Variants in BAG1 observed in about 807,000 individuals in gnomAD.
BAG1 encodes BAG cochaperone 1.
Under a neutral mutation model 35.5 loss-of-function variants are expected in BAG1, and 35 were observed. The ratio of observed to expected loss-of-function variants is 0.99; its 90% CI spans 0.75 to 1.31. The LOEUF (loss-of-function observed/expected upper bound fraction) is 1.31. Ranked by LOEUF, BAG1 falls within the 50% of genes most tolerant of loss-of-function variation. BAG1 has a pLI of 0.00. For missense variants in BAG1, 464 were observed against 453.6 expected, an observed-to-expected ratio of 1.02 and a Z score of -0.21; for synonymous variants, 191 against 178.9, an observed-to-expected ratio of 1.07 and a Z score of -0.54.
intron 4 of BAG1, 100 bp from the exon 5 acceptor site, chr9:33,257,008 C>T: frequency 1.2e-6 from 1 of 861,546 alleles, no homozygotes; most frequent in South Asian, 1.5e-5. Flanking sequence ...CCACCATAGC[C>T]CTGGCAGGCC....
At position 33,264,432 on chromosome 9, in the gene BAG1, G is replaced by C. The variant is rs140687411; in HGVS notation, c.243C>G (p.Thr81=). Reference sequence around the variant, plus strand: ...CGCTCCGGGTCAACTCCTCGCTCCGGGTCGAGCGGCGCCGGGTTTTCTTCT... The same window carrying C: ...CGCTCCGGGTCAACTCCTCGCTCCGCGTCGAGCGGCGCCGGGTTTTCTTCT... The change falls in exon 1 of 7, where the codon ACC becomes ACG. Residue 81 remains threonine, a synonymous_variant. Coordinates refer to ENST00000634734, the MANE Select transcript of BAG1 (RefSeq NM_004323.6). 4.0e-5 allele frequency: 65 copies of C among 1,613,416 alleles called. No homozygotes were observed. The African/African-American group carries it at 6.0e-4, about 15-fold the overall frequency.
chr9:33,263,698 T>C (rs1009418959), intron 1 of BAG1, among the ~76,000 whole-genome samples: 1 of 152,146 alleles, frequency 6.6e-6, no homozygotes, highest in Non-Finnish European at 1.5e-5. Context: ...AGAAACCTCA[T>C]GGACTCAGCT....
At position 33,264,309 on chromosome 9, in the gene BAG1, C is replaced by G. The variant is rs757031406; in HGVS notation, c.366G>C (p.Val122=). 6.2e-7 allele frequency: 1 copy of G among 1,614,086 alleles called. No homozygotes were observed. The highest frequency in any genetic ancestry group is 8.5e-7 in the Non-Finnish European group (1 of 1,180,014). Reference sequence around the variant, plus strand: ...TCCGGGTCGACTCCTCGTCCCGGGTCACCTCCTGGCTCCGATTCATCTCTT... The same window carrying G: ...TCCGGGTCGACTCCTCGTCCCGGGTGACCTCCTGGCTCCGATTCATCTCTT... The change falls in exon 1 of 7, where the codon GTG becomes GTC. Residue 122 remains valine, a synonymous_variant. Transcript: ENST00000634734.
rs1392497650 is a variant in BAG1 at position 33,262,728 on chromosome 9, T to C, written c.554A>G (p.Gln185Arg). Reference sequence around the variant, plus strand: ...CTTAAATATGAGTTTCTGAAAAGACTGTGGAACCCCTATGACCTCTTCAAC... The same window carrying C: ...CTTAAATATGAGTTTCTGAAAAGACCGTGGAACCCCTATGACCTCTTCAAC... The change falls in exon 2 of 7, where the codon CAG (glutamine) becomes CGG (arginine). Residue 185 changes from glutamine to arginine, a missense_variant. By Grantham distance (43) the Gln-to-Arg change is conservative (BLOSUM62 1). Transcript: ENST00000634734. 6 of 1,609,490 alleles carry C rather than the reference T, an allele frequency of 3.7e-6. No individual in the cohort carries two copies. Among genetic ancestry groups the C allele is most frequent in the Middle Eastern group, 1.6e-4 (1 of 6,062 alleles).
At position 33,255,297 on chromosome 9, in the gene BAG1, G is replaced by C. The variant is rs776279085; in HGVS notation, c.960C>G (p.Ala320=). 1 of 1,614,084 alleles carries C rather than the reference G, an allele frequency of 6.2e-7. No individual in the cohort carries two copies. The highest frequency in any genetic ancestry group is 1.3e-5 in the African/African-American group (1 of 74,930). ...TGTTCTGCTCCACTGTGTCACACTC[G>C]GCTAGGAATGCCTAGAAAATACACA... The change falls in exon 7 of 7, where the codon GCC becomes GCG. Residue 320 remains alanine, a synonymous_variant. Coordinates refer to ENST00000634734, the MANE Select transcript of BAG1 (RefSeq NM_004323.6).
Position 33,262,713 on chromosome 9 carries a change from A to G in BAG1, c.569T>C (p.Leu190Pro). Residue 190 changes from leucine (L) to proline (P), a missense_variant, in exon 2 of 7, where the codon CTC (leucine) becomes CCC (proline). By Grantham distance (98) the Leu-to-Pro change is moderately conservative. Coordinates refer to ENST00000634734, the MANE Select transcript of BAG1 (RefSeq NM_004323.6). ...AAAGAAATGCTTACCCTTAAATATG[A>G]GTTTCTGAAAAGACTGTGGAACCCC... The G allele has an allele frequency of 6.3e-7, 1 of 1,593,236 alleles. No individual in the cohort carries two copies. Among genetic ancestry groups the G allele is most frequent in the Non-Finnish European group, 8.5e-7 (1 of 1,174,106 alleles).
Position 33,254,949 on chromosome 9 carries a change from G to C in BAG1, c.*270C>G. The C allele has an allele frequency of 9.1e-6, 12 of 1,324,254 alleles. No homozygotes were observed. Among genetic ancestry groups the C allele is most frequent in the Non-Finnish European group, 1.2e-5 (12 of 996,306 alleles). 82.0% of individuals were successfully genotyped at this position (1,324,254 alleles called of 1,614,324 possible). A position where few individuals can be genotyped will look rare whatever the true frequency, so the allele number is the denominator to read the frequency against. Reference sequence around the variant, plus strand: ...AAGAAAGCACCCAGAGGTCCAAACAGCTGGGAAAATTTGGGCAGAGGTGGC... The same window carrying C: ...AAGAAAGCACCCAGAGGTCCAAACACCTGGGAAAATTTGGGCAGAGGTGGC... On this transcript the variant is annotated 3_prime_UTR_variant, in exon 7 of 7. Transcript: ENST00000634734.
intron 4 of BAG1, 111 bp downstream of exon 4, chr9:33,258,809 C>T (rs1344596109): frequency 3.7e-6 from 3 of 809,288 alleles, no homozygotes; most frequent in Non-Finnish European, 6.1e-6. Flanking sequence ...AAGGGTGAAT[C>T]CAGGATCTGA....
At chr9:33,259,608 C>T (rs2117954469) in intron 3 of BAG1, 1 of 153,296 alleles carries the variant, frequency 6.5e-6, no homozygotes, top group East Asian at 1.9e-4. Flanking sequence ...AGAATGGAGA[C>T]AATCCAAGTG....
chr9:33,264,634 CG>C lies in BAG1; in HGVS notation c.40del (p.Arg14GlyfsTer59). On this transcript the variant is annotated frameshift_variant, in exon 1 of 7. Transcript: ENST00000634734. LOFTEE classifies it high-confidence loss of function. ...GCGCAGCCGGGAACCCAGCCGCTCC[CG>C]GTCGCCTCGCGGTCTCCGCGCCCCC... The C allele has an allele frequency of 7.4e-7, 1 of 1,348,132 alleles. No individual in the cohort carries two copies. The highest frequency in any genetic ancestry group is 9.4e-7 in the Non-Finnish European group (1 of 1,058,464). 83.5% of individuals were successfully genotyped at this position (1,348,132 alleles called of 1,614,324 possible).
intron 2 of BAG1, chr9:33,262,122 C>A (rs1820584474): frequency 1.6e-6 from 2 of 1,289,590 alleles, no homozygotes; most frequent in Non-Finnish European, 2.0e-6. Flanking sequence ...GGGAAGACTG[C>A]CCATGAGCTT....
At chr9:33,258,422 C>T (rs1002524914) in intron 4 of BAG1, among the ~76,000 whole-genome samples, 10 of 151,672 alleles carry the variant, frequency 6.6e-5, no homozygotes, top group Admixed American at 2.6e-4. Context: ...GGTTTTAGTA[C>T]CCCATCTCTA....
rs1820365898 is a variant in BAG1 at position 33,252,843 on chromosome 9, CAA to C, written c.*2374_*2375del. Reference sequence around the variant, plus strand: ...TGTGAGTTGAATTCTGAAGGATGAACAAAAGTCACCTATACAAGGGTAGGGTT... The same window carrying C: ...TGTGAGTTGAATTCTGAAGGATGAACAAGTCACCTATACAAGGGTAGGGTT... On this transcript the variant is annotated 3_prime_UTR_variant, in exon 7 of 7. Coordinates refer to ENST00000634734, the MANE Select transcript of BAG1 (RefSeq NM_004323.6). The C allele has an allele frequency of 6.6e-6, 1 of 151,872 alleles. No homozygotes were observed. The highest frequency in any genetic ancestry group is 1.5e-5 in the Non-Finnish European group (1 of 68,014). 9.4% of individuals were successfully genotyped at this position (151,872 alleles called of 1,614,324 possible).
intron 2 of BAG1, chr9:33,261,885 T>C (rs942348557): frequency 1.3e-4 from 133 of 985,218 alleles, no homozygotes; most frequent in Non-Finnish European, 1.4e-4. Flanking sequence ...GCCCGCCACA[T>C]CCAGGCCTCA....
chr9:33,261,886 C>G, intron 2 of BAG1: 2 of 985,334 alleles, frequency 2.0e-6, no homozygotes, highest in Non-Finnish European at 2.4e-6. Flanking sequence ...CCCGCCACAT[C>G]CAGGCCTCAG....
chr9:33,255,416 A>C, intron 6 of BAG1, 108 bp from the exon 7 acceptor site: 1 of 1,544,360 alleles, frequency 6.5e-7, no homozygotes, highest in Non-Finnish European at 8.8e-7. Context: ...TGAGACTCAA[A>C]ACAGATTGTG....
At chr9:33,258,083 G>A (rs560278567) in intron 4 of BAG1, 3 of 152,180 alleles carry the variant, frequency 2.0e-5, no homozygotes, top group East Asian at 1.9e-4. Context: ...TTGAGGTCAG[G>A]AGTTTGAGAC....
rs574287414 is a variant in BAG1, at chr9:33,264,394, AGGGTCAACTCCTCGCTCC to A, written c.263_280del (p.Arg88_Thr93del). 4,422 of 1,609,342 alleles carry A rather than the reference AGGGTCAACTCCTCGCTCC, an allele frequency of 2.7e-3. 32 individuals are homozygous for A. The highest frequency in any genetic ancestry group is 0.024 in the Admixed American group (1,406 of 59,312). ...TTCACTCCAGGTCGCTTCCTCACTC[AGGGTCAACTCCTCGCTCC>A]GGGTCAACTCCTCGCTCCGGGTCGA... On this transcript the variant is annotated inframe_deletion, in exon 1 of 7. Transcript: ENST00000634734.
intron 6 of BAG1, 31 bp downstream of exon 6, chr9:33,255,834 A>C: frequency 6.3e-7 from 1 of 1,590,628 alleles, no homozygotes; most frequent in Non-Finnish European, 8.6e-7. Flanking sequence ...TTAACATATT[A>C]CACCTTGTCG....
Sources: gnomAD v4.1 joint callset for allele counts (sites outside exome capture counted in the v4.1 genomes callset) on GRCh38, gnomAD v4.1.1 for gene constraint, MANE v1.5 for transcripts, NCBI Gene and HGNC (gene_info 2026-07-23, HGNC 2026-07-21) for gene names.